KMT2C: variants seen among roughly 807,000 people sequenced by gnomAD.
KMT2C encodes histone-lysine N-methyltransferase 2C.
In KMT2C, 88 loss-of-function variants were observed where a neutral mutation model predicts 507.9. That is an observed-to-expected ratio of 0.17 (90% CI 0.15 to 0.21). The LOEUF (loss-of-function observed/expected upper bound fraction) is 0.21. KMT2C is among the 10% of genes least tolerant of loss of function. KMT2C has a pLI of 1.00. For synonymous variants in KMT2C, 2,049 were observed against 2,080.8 expected, an observed-to-expected ratio of 0.98 and a Z score of 0.42; for missense variants, 4,954 against 5,957.8, an observed-to-expected ratio of 0.83 and a Z score of 5.55.
At chr7:152,360,017 C>A (rs2129232762) in intron 1 of KMT2C, among the ~76,000 whole-genome samples, 1 of 118,878 alleles carries the variant, frequency 8.4e-6, no homozygotes, top group East Asian at 2.5e-4. Flanking sequence ...CCACTGCACT[C>A]CAGCCTGGGC....
chr7:152,340,148 A>ATTTTT (rs71885303), intron 2 of KMT2C, among the ~76,000 whole-genome samples: 3 of 127,644 alleles, frequency 2.4e-5, no homozygotes, highest in East Asian at 2.3e-4. Context: ...TCACGCCTGG[A>ATTTTT]TTTTTTTTTT....
chr7:152,152,706 A>G lies in KMT2C; in HGVS notation c.12525T>C (p.Asn4175=). The change falls in exon 49 of 59, where the codon AAT becomes AAC. Residue 4175 remains asparagine (N), a splice_region_variant and synonymous_variant. Transcript: ENST00000262189. ...QPNVPFPPTS[N]GLSGYKDSSH... ...TTAACAAAAAGCTCACTAGCTCACC[A>G]TTGCTTGTTGGAGGAAATGGTACAT... 6.2e-7 allele frequency: 1 copy of G among 1,613,814 alleles called. No individual in the cohort carries two copies. The highest frequency in any genetic ancestry group is 1.1e-5 in the South Asian group (1 of 91,052).
At chr7:152,282,549 T>A (rs1300140953) in intron 6 of KMT2C, among the ~76,000 whole-genome samples, 8 of 151,712 alleles carry the variant, frequency 5.3e-5, no homozygotes, top group Admixed American at 2.0e-4. Context: ...ATCTCACAAA[T>A]ATATACATGA....
intron 42 of KMT2C, among the ~76,000 whole-genome samples, chr7:152,165,789 A>G (rs2092701304): frequency 6.6e-6 from 1 of 152,092 alleles, no homozygotes; most frequent in South Asian, 2.1e-4. Context: ...CCCGGATTCA[A>G]GCAATTCTCC....
intron 26 of KMT2C, 141 bp downstream of exon 26, chr7:152,202,793 T>C: frequency 1.4e-6 from 1 of 699,650 alleles, no homozygotes; most frequent in Non-Finnish European, 2.3e-6. Context: ...CCCTGAAAGG[T>C]AAAAATGGCA....
chr7:152,197,694 C>A (rs982269659), intron 27 of KMT2C, among the ~76,000 whole-genome samples: 15 of 151,626 alleles, frequency 9.9e-5, no homozygotes, highest in Admixed American at 2.0e-4. Context: ...TTTGCCCCTA[C>A]CTAAAGGATT....
chr7:152,345,954 A>G (rs549570191), intron 2 of KMT2C, among the ~76,000 whole-genome samples: 1 of 152,354 alleles, frequency 6.6e-6, no homozygotes, highest in Admixed American at 6.5e-5. Context: ...AAAAATAATC[A>G]AAAGAAAGCA....
At chr7:152,416,395 A>G (rs1589886651) in intron 1 of KMT2C, among the ~76,000 whole-genome samples, 2 of 152,164 alleles carry the variant, frequency 1.3e-5, no homozygotes, top group East Asian at 1.9e-4. Flanking sequence ...ACTACAAAAA[A>G]TTAGCCGGGC....
At chr7:152,190,364 A>G (rs1051462847) in intron 31 of KMT2C, among the ~76,000 whole-genome samples, 3 of 152,196 alleles carry the variant, frequency 2.0e-5, no homozygotes, top group Non-Finnish European at 4.4e-5. Context: ...CTACAATATT[A>G]ACATATTGAA....
chr7:152,208,639 T>G (rs1489632726), intron 23 of KMT2C, among the ~76,000 whole-genome samples: 1 of 152,222 alleles, frequency 6.6e-6, no homozygotes, highest in African/African-American at 2.4e-5. Flanking sequence ...AATCAAACTT[T>G]TCCAAGTTAT....
chr7:152,204,013 G>A (rs1212821533), intron 25 of KMT2C, among the ~76,000 whole-genome samples: 1 of 152,088 alleles, frequency 6.6e-6, no homozygotes, highest in East Asian at 1.9e-4. Flanking sequence ...CAAAGCTTAA[G>A]GCCTCTCTCC....
Position 152,408,387 on chromosome 7 carries a change from C to T in KMT2C, c.161+27239G>A, listed in dbSNP as rs547527939. ...CATATGTCTACTTATAAACTAGGCACTACTGCTTCAATATATTAAAAAAAT... is the reference window on the plus strand; with the variant it reads ...CATATGTCTACTTATAAACTAGGCATTACTGCTTCAATATATTAAAAAAAT... On this transcript the variant is annotated intron_variant, in intron 1 of 58. Transcript: ENST00000262189. 2.2e-3 allele frequency among the ~76,000 whole-genome samples: 338 copies of T among 152,260 alleles called. 1 individual carries two copies. The highest frequency in any genetic ancestry group is 0.01 in the Middle Eastern group (3 of 294).
intron 2 of KMT2C, among the ~76,000 whole-genome samples, chr7:152,334,664 C>T (rs1331907837): frequency 6.6e-6 from 1 of 152,004 alleles, no homozygotes; most frequent in Non-Finnish European, 1.5e-5. Flanking sequence ...CTGCTCTTCA[C>T]TAAATTATAG....
At chr7:152,309,876 C>T (rs1173925994) in intron 6 of KMT2C, 90 bp downstream of exon 6, 3 of 828,912 alleles carry the variant, frequency 3.6e-6, no homozygotes, top group East Asian at 2.6e-5. Flanking sequence ...TTTTACACTA[C>T]AGCAATCATT....
At chr7:152,353,346 C>A (rs2097128624) in intron 2 of KMT2C, among the ~76,000 whole-genome samples, 1 of 152,154 alleles carries the variant, frequency 6.6e-6, no homozygotes, top group Non-Finnish European at 1.5e-5. Context: ...ATTGCTTGAA[C>A]CCGGGAGGCA....
intron 23 of KMT2C, among the ~76,000 whole-genome samples, chr7:152,215,696 C>CACACACACACAT (rs1563431360): frequency 1.5e-5 from 2 of 132,474 alleles, no homozygotes; most frequent in African/African-American, 7.3e-5. Flanking sequence ...TATACACACA[C>CACACACACACAT]ACATACACAC....
intron 27 of KMT2C, among the ~76,000 whole-genome samples, chr7:152,196,822 C>T (rs539395720): frequency 6.6e-6 from 1 of 152,208 alleles, no homozygotes; most frequent in South Asian, 2.1e-4. Flanking sequence ...AGATAACCCT[C>T]CAAACTAAGG....
At chr7:152,283,635 C>G (rs1248249178) in intron 6 of KMT2C, among the ~76,000 whole-genome samples, 3 of 152,164 alleles carry the variant, frequency 2.0e-5, no homozygotes, top group South Asian at 2.1e-4. Flanking sequence ...ACATATACCC[C>G]CAAGGTGAGT....
At chr7:152,295,337 C>CA (rs2096481208) in intron 6 of KMT2C, among the ~76,000 whole-genome samples, 2 of 152,276 alleles carry the variant, frequency 1.3e-5, no homozygotes, top group South Asian at 4.1e-4. Context: ...TCTTGGTATG[C>CA]AAAGCCAAGG....
Sources: gnomAD v4.1 joint callset for allele counts (sites outside exome capture counted in the v4.1 genomes callset) on GRCh38, gnomAD v4.1.1 for gene constraint, MANE v1.5 for transcripts, NCBI Gene and HGNC (gene_info 2026-07-23, HGNC 2026-07-21) for gene names.